Variants in PPM1H observed in about 807,000 individuals in gnomAD.
The protein encoded by PPM1H is protein phosphatase 1H.
A neutral mutation model predicts 54.9 loss-of-function variants in PPM1H; 27 were observed. The ratio of observed to expected loss-of-function variants is 0.49; its 90% CI spans 0.36 to 0.68. The LOEUF is 0.68. Ranked by LOEUF, PPM1H falls within the 30% of genes least tolerant of loss-of-function variation. The probability of loss-of-function intolerance (pLI) is 0.00; values close to 1 mark genes in which losing one functional copy is unlikely to be tolerated. For missense variants in PPM1H, 596 were observed against 667.8 expected (o/e 0.89, Z 1.19); for synonymous variants, 305 against 270.8 (o/e 1.13, Z -1.24).
rs1156420357 is a variant in PPM1H, at chr12:62,644,583, G to C, written c.*3906C>G. 4 of 152,176 alleles carry C rather than the reference G, an allele frequency of 2.6e-5. 1 individual carries two copies. In the South Asian group the frequency reaches 8.3e-4, roughly 32 times the overall value. 9.4% of individuals were successfully genotyped at this position (152,176 alleles called of 1,614,324 possible). Reference sequence around the variant, plus strand: ...TCGAAAGAGCAGTCCTCTGCAGACCGGCACTCCATCTGACAAAAGCCACAG... The same window carrying C: ...TCGAAAGAGCAGTCCTCTGCAGACCCGCACTCCATCTGACAAAAGCCACAG... On this transcript the variant is annotated 3_prime_UTR_variant, in exon 10 of 10. Transcript: ENST00000228705.
intron 2 of PPM1H, among the ~76,000 whole-genome samples, chr12:62,819,367 T>A (rs1163407741): frequency 6.8e-6 from 1 of 146,534 alleles, no homozygotes; most frequent in African/African-American, 2.5e-5. Flanking sequence ...GAACTCATGA[T>A]CCACCTGCCT....
At chr12:62,909,422 A>G (rs1871391386) in intron 1 of PPM1H, among the ~76,000 whole-genome samples, 1 of 151,614 alleles carries the variant, frequency 6.6e-6, no homozygotes, top group African/African-American at 2.4e-5. Context: ...CTGGACCCTC[A>G]TTTCCTATCT....
chr12:62,725,932 T>C (rs2076287325), intron 5 of PPM1H, among the ~76,000 whole-genome samples: 1 of 152,246 alleles, frequency 6.6e-6, no homozygotes, highest in African/African-American at 2.4e-5. Context: ...TCCATCCTTC[T>C]GATTTTTCTT....
chr12:62,899,715 C>A (rs1323068754), intron 1 of PPM1H, among the ~76,000 whole-genome samples: 1 of 152,188 alleles, frequency 6.6e-6, no homozygotes, highest in Non-Finnish European at 1.5e-5. Flanking sequence ...CAACAAAGCT[C>A]AAACAGCCTC....
intron 6 of PPM1H, among the ~76,000 whole-genome samples, chr12:62,695,731 C>T (rs1412325769): frequency 6.6e-6 from 1 of 152,148 alleles, no homozygotes; most frequent in Non-Finnish European, 1.5e-5. Context: ...CACTACTATA[C>T]ATCAAGCATC....
In PPM1H at chr12:62,841,852, AT is replaced by A. The variant is rs1868763119; in HGVS notation, c.246-9574del. 2.6e-5 allele frequency among the ~76,000 whole-genome samples: 4 copies of A among 152,320 alleles called. No homozygotes were observed. The East Asian group carries it at 5.8e-4, about 22-fold the overall frequency. ...AAGAAGATATAATGTTGCCTCATAG[AT>A]TTCCCCCCATAAATATCAGCGTTTT... On this transcript the variant is annotated intron_variant, in intron 1 of 9. Transcript: ENST00000228705.
chr12:62,821,570 A>C (rs1033091181), intron 2 of PPM1H, among the ~76,000 whole-genome samples: 1 of 152,242 alleles, frequency 6.6e-6, no homozygotes, highest in African/African-American at 2.4e-5. Flanking sequence ...CTAACAGTGG[A>C]TTTCTCGGCA....
At chr12:62,808,957 T>A (rs1301984987) in intron 2 of PPM1H, among the ~76,000 whole-genome samples, 2 of 152,188 alleles carry the variant, frequency 1.3e-5, no homozygotes, top group South Asian at 2.1e-4. Context: ...AAGAACTATA[T>A]GAGGCCAGAG....
At chr12:62,873,068 G>A (rs10506454) in intron 1 of PPM1H, among the ~76,000 whole-genome samples, 26,712 of 152,100 alleles carry the variant, frequency 0.18, 2,573 homozygotes, top group African/African-American at 0.26. Context: ...GGTTAAATGT[G>A]TTTCTAAGGC....
At position 62,648,193 on chromosome 12, in the gene PPM1H, G is replaced by C. The variant is rs1445658074; in HGVS notation, c.*296C>G. 1 of 260,586 alleles carries C rather than the reference G, an allele frequency of 3.8e-6. No individual in the cohort carries two copies. Among genetic ancestry groups the C allele is most frequent in the African/African-American group, 2.1e-5 (1 of 46,746 alleles). The allele number at this position is 260,586 out of a possible 1,614,324, so 16.1% of individuals were successfully genotyped here. On this transcript the variant is annotated 3_prime_UTR_variant, in exon 10 of 10. Transcript: ENST00000228705. ...CAGCTACTCTAGATAAAATAAATAT[G>C]ACATATATACCCCAAATAGTCAATG...
intron 3 of PPM1H, among the ~76,000 whole-genome samples, chr12:62,795,996 T>C (rs1291472868): frequency 3.9e-5 from 6 of 152,202 alleles, no homozygotes; most frequent in African/African-American, 1.4e-4. Context: ...CCCAAAGTGC[T>C]GGGATTATAG....
At position 62,839,662 on chromosome 12, in the gene PPM1H, C is replaced by CA. The variant is rs34178089; in HGVS notation, c.246-7384dup. Among the ~76,000 whole-genome samples the CA allele has an allele frequency of 2.1e-3, 276 of 131,210 alleles. 1 individual carries two copies. The highest frequency in any genetic ancestry group is 4.8e-3 in the East Asian group (22 of 4,592). The allele number at this position is 131,210 out of a possible 152,430, so 86.1% of individuals were successfully genotyped here. A position where few individuals can be genotyped will look rare whatever the true frequency, so the allele number is the denominator to read the frequency against. The stretch of plus-strand genomic sequence containing the variant: ...ATCTCTGTGACTTTATGAGTAAATC[C>CA]AAAAAAAAAAAAAAAGTCAAGATGG... On this transcript the variant is annotated intron_variant, in intron 1 of 9. Coordinates refer to ENST00000228705, the MANE Select transcript of PPM1H (RefSeq NM_020700.2).
In PPM1H at chr12:62,658,016, G is replaced by C. The variant is rs1039806592; in HGVS notation, c.1397+9162C>G. 2.7e-5 allele frequency among the ~76,000 whole-genome samples: 4 copies of C among 146,070 alleles called. No homozygotes were observed. In the Admixed American group the frequency reaches 2.8e-4, roughly 10 times the overall value. ...AATACTGCATAAAAAGCCCCTCAAGGGTCATGGCAGGGAGACAGAGGGTCA... is the reference window on the plus strand; with the variant it reads ...AATACTGCATAAAAAGCCCCTCAAGCGTCATGGCAGGGAGACAGAGGGTCA... On this transcript the variant is annotated intron_variant, in intron 9 of 9. Coordinates refer to ENST00000228705, the MANE Select transcript of PPM1H (RefSeq NM_020700.2).
intron 2 of PPM1H, among the ~76,000 whole-genome samples, chr12:62,802,437 A>T (rs2076776843): frequency 6.6e-6 from 1 of 152,186 alleles, no homozygotes; most frequent in South Asian, 2.1e-4. Context: ...AGCCCAAATG[A>T]TCATACACTA....
chr12:62,696,220 G>T (rs184853004), intron 6 of PPM1H, among the ~76,000 whole-genome samples: 26 of 152,300 alleles, frequency 1.7e-4, no homozygotes, highest in Admixed American at 3.9e-4. Context: ...GAGTGTTGCA[G>T]GAGCACGAAG....
intron 9 of PPM1H, among the ~76,000 whole-genome samples, chr12:62,665,051 C>G (rs1056234759): frequency 6.9e-6 from 1 of 144,684 alleles, no homozygotes; most frequent in African/African-American, 2.6e-5. Context: ...TCTTCAGTTT[C>G]TTTCTCTTTT....
intron 6 of PPM1H, among the ~76,000 whole-genome samples, chr12:62,703,315 T>A (rs966170309): frequency 6.6e-6 from 1 of 151,618 alleles, no homozygotes; most frequent in African/African-American, 2.4e-5. Flanking sequence ...GAAGGATGCC[T>A]CAGAGATAAT....
chr12:62,916,450 T>G (rs952854491), intron 1 of PPM1H, among the ~76,000 whole-genome samples: 2 of 152,196 alleles, frequency 1.3e-5, no homozygotes, highest in South Asian at 4.1e-4. Context: ...ATGGTTCATC[T>G]TTAAGTCTAT....
At chr12:62,678,066 C>T (rs1002011682) in intron 8 of PPM1H, among the ~76,000 whole-genome samples, 3 of 152,144 alleles carry the variant, frequency 2.0e-5, no homozygotes, top group Non-Finnish European at 4.4e-5. Flanking sequence ...CCCACCTCAG[C>T]CTCCCAAGAA....
Sources: gnomAD v4.1 joint callset for allele counts (sites outside exome capture counted in the v4.1 genomes callset) on GRCh38, gnomAD v4.1.1 for gene constraint, MANE v1.5 for transcripts, NCBI Gene and HGNC (gene_info 2026-07-23, HGNC 2026-07-21) for gene names.